CHD9: variants seen among roughly 807,000 people sequenced by gnomAD.
CHD9 encodes ATP-dependent chromatin remodeler CHD9.
CHD9 carries 77 observed loss-of-function variants against 316.1 expected under a neutral mutation model. That is an observed-to-expected ratio of 0.24 (90% CI 0.20 to 0.29). The LOEUF is 0.29. Ranked by LOEUF, CHD9 falls within the 10% of genes least tolerant of loss-of-function variation. The pLI, the probability that CHD9 is intolerant of heterozygous loss-of-function variation, is 1.00. For missense variants in CHD9, 2,763 were observed against 3,438.1 expected (o/e 0.80, Z 4.91); for synonymous variants, 1,129 against 1,158.3 (o/e 0.97, Z 0.51).
chr16:53,276,874 AAAG>A (rs1465854570), intron 24 of CHD9, among the ~76,000 whole-genome samples: 1 of 152,180 alleles, frequency 6.6e-6, no homozygotes, highest in Non-Finnish European at 1.5e-5. Context: ...TTAACCAAGA[AAAG>A]AAGAGAGAAA....
rs566380046 is a variant in CHD9 at position 53,269,551 on chromosome 16, C to G, written c.4717+1425C>G. ...AAGCACCCATTTTAGATAGGGTGGT[C>G]AGTGTAGGCCTATTTTAATAGGAGA... On this transcript the variant is annotated intron_variant, in intron 22 of 38. Coordinates refer to ENST00000447540, the MANE Select transcript of CHD9 (RefSeq NM_001308319.2). 4.7e-4 allele frequency among the ~76,000 whole-genome samples: 72 copies of G among 152,232 alleles called. 2 individuals are homozygous for G. In the South Asian group the frequency reaches 0.013, roughly 28 times the overall value.
At position 53,306,299 on chromosome 16, in the gene CHD9, G is replaced by A; in HGVS notation, c.6682G>A (p.Asp2228Asn). Residue 2228 changes from aspartate (D) to asparagine (N), a missense_variant, in exon 32 of 39, where the codon GAT (aspartate) becomes AAT (asparagine). Transcript: ENST00000447540. ...ESVASLSTTQ[D>N]ETQDSFQMNN... The stretch of plus-strand genomic sequence containing the variant: ...CGTCGCGTCACTGAGCACTACCCAG[G>A]ATGAGACTCAGGATAGTTTTCAGAT... 6.2e-7 allele frequency: 1 copy of A among 1,610,840 alleles called. No individual in the cohort carries two copies. The highest frequency in any genetic ancestry group is 2.2e-5 in the East Asian group (1 of 44,656).
intron 2 of CHD9, among the ~76,000 whole-genome samples, chr16:53,198,315 A>AAT (rs2045118575): frequency 2.4e-5 from 3 of 125,238 alleles, no homozygotes; most frequent in Non-Finnish European, 5.0e-5. Flanking sequence ...TAAGCATTCA[A>AAT]TTTTTTTTTT....
chr16:53,111,851 C>A (rs1490289406), intron 1 of CHD9, among the ~76,000 whole-genome samples: 1 of 152,182 alleles, frequency 6.6e-6, no homozygotes, highest in Non-Finnish European at 1.5e-5. Context: ...CTGAAAATCA[C>A]TCAACTGGCC....
chr16:53,100,073 C>T (rs764625977), intron 1 of CHD9, among the ~76,000 whole-genome samples: 1 of 152,174 alleles, frequency 6.6e-6, no homozygotes, highest in South Asian at 2.1e-4. Flanking sequence ...GGGGATGAAG[C>T]GGTGAAGGGC....
chr16:53,116,968 C>A (rs182522024), intron 1 of CHD9, among the ~76,000 whole-genome samples: 100 of 152,246 alleles, frequency 6.6e-4, no homozygotes, highest in African/African-American at 2.3e-3. Context: ...CAAACTAACT[C>A]AGGAACAGAA....
chr16:53,224,410 A>G (rs1379246234), intron 4 of CHD9, among the ~76,000 whole-genome samples: 1 of 152,206 alleles, frequency 6.6e-6, no homozygotes, highest in Non-Finnish European at 1.5e-5. Flanking sequence ...AGTGTAATTT[A>G]TGGTAAAATC....
intron 7 of CHD9, among the ~76,000 whole-genome samples, chr16:53,228,354 G>GC (rs1567518812): frequency 6.8e-6 from 1 of 147,852 alleles, no homozygotes. Flanking sequence ...AAAAAAAAAA[G>GC]TTTTTTTTTT....
intron 34 of CHD9, among the ~76,000 whole-genome samples, chr16:53,313,208 G>A (rs1268313353): frequency 6.7e-6 from 1 of 150,328 alleles, no homozygotes; most frequent in African/African-American, 2.5e-5. Context: ...GTAGGTTGGG[G>A]CAGGAATGGA....
intron 13 of CHD9, among the ~76,000 whole-genome samples, chr16:53,244,406 A>T (rs2049382920): frequency 6.6e-6 from 1 of 152,066 alleles, no homozygotes; most frequent in East Asian, 1.9e-4. Context: ...GTTACCCAGG[A>T]TGGTCTTGAT....
At chr16:53,273,484 T>C in intron 22 of CHD9, 142 bp from the exon 23 acceptor site, 1 of 513,400 alleles carries the variant, frequency 1.9e-6, no homozygotes, top group Non-Finnish European at 3.5e-6. Flanking sequence ...GATTTGTGGT[T>C]GGGTCAGTAT....
chr16:53,126,748 G>A (rs965397732), intron 1 of CHD9, among the ~76,000 whole-genome samples: 12 of 150,882 alleles, frequency 8.0e-5, no homozygotes, highest in East Asian at 2.0e-4. Context: ...GCACGATCTC[G>A]GCTCACTGCA....
In CHD9 at chr16:53,326,408, TAA is replaced by T. The variant is rs1297900425; in HGVS notation, c.*1516_*1517del. The T allele has an allele frequency of 1.3e-5, 2 of 152,530 alleles. No individual in the cohort carries two copies. The highest frequency in any genetic ancestry group is 3.8e-4 in the East Asian group (2 of 5,204). 9.4% of individuals were successfully genotyped at this position (152,530 alleles called of 1,614,324 possible). On this transcript the variant is annotated 3_prime_UTR_variant, in exon 39 of 39. Transcript: ENST00000447540. Reference sequence around the variant, plus strand: ...AAAAAATACTTTCAGTATGTTTTGATAAAACTGTTGCTTTGTCATGAGTTAGT... The same window carrying T: ...AAAAAATACTTTCAGTATGTTTTGATAACTGTTGCTTTGTCATGAGTTAGT...
At chr16:53,310,857 C>CAATAATAATAATAATAAT (rs33996087) in intron 34 of CHD9, 24 of 138,922 alleles carry the variant, frequency 1.7e-4, no homozygotes, top group African/African-American at 3.8e-4. Context: ...GTCTCAAAAA[C>CAATAATAATAATAATAAT]AATAATAATA....
intron 1 of CHD9, among the ~76,000 whole-genome samples, chr16:53,124,467 A>ATT (rs753476091): frequency 0.033 from 3,150 of 96,916 alleles, 253 homozygotes; most frequent in African/African-American, 0.068. Flanking sequence ...GTGAGACTTA[A>ATT]TTTTTTTTTT....
At chr16:53,254,020 T>C (rs1217584654) in intron 17 of CHD9, among the ~76,000 whole-genome samples, 1 of 151,976 alleles carries the variant, frequency 6.6e-6, no homozygotes. Context: ...CTACTAAAAA[T>C]ACAAAAATTA....
chr16:53,273,403 A>G (rs1013674636), intron 22 of CHD9, among the ~76,000 whole-genome samples: 1 of 152,184 alleles, frequency 6.6e-6, no homozygotes, highest in Non-Finnish European at 1.5e-5. Flanking sequence ...AATCAGAATG[A>G]TTAATATGAG....
chr16:53,173,848 T>C (rs570841267), intron 2 of CHD9, among the ~76,000 whole-genome samples: 1 of 152,192 alleles, frequency 6.6e-6, no homozygotes. Context: ...CCAGCCAAAT[T>C]TGTTATTTTT....
chr16:53,304,762 T>C (rs1393211443), intron 31 of CHD9, 137 bp downstream of exon 31: 1 of 705,062 alleles, frequency 1.4e-6, no homozygotes, highest in East Asian at 3.0e-5. Flanking sequence ...TGGCGCAATC[T>C]CAGCTCACTT....
Sources: gnomAD v4.1 joint callset for allele counts (sites outside exome capture counted in the v4.1 genomes callset) on GRCh38, gnomAD v4.1.1 for gene constraint, MANE v1.5 for transcripts, NCBI Gene and HGNC (gene_info 2026-07-23, HGNC 2026-07-21) for gene names.